The following PELI2 variants were observed in gnomAD, a reference collection of about 807,000 sequenced individuals.
PELI2 encodes E3 ubiquitin-protein ligase pellino homolog 2.
A neutral mutation model predicts 42.3 loss-of-function variants in PELI2; 23 were observed. That is an observed-to-expected ratio of 0.54 (90% CI 0.39 to 0.77). PELI2 has a LOEUF of 0.77. Ranked by LOEUF, PELI2 falls within the 30% of genes least tolerant of loss-of-function variation. The pLI is 0.00. For synonymous variants in PELI2, 245 were observed against 212.2 expected (o/e 1.15, Z -1.34); for missense variants, 463 against 553.2 (o/e 0.84, Z 1.64).
chr14:56,277,657 C>G (rs1298228018), intron 2 of PELI2, among the ~76,000 whole-genome samples: 2 of 152,084 alleles, frequency 1.3e-5, no homozygotes, highest in Non-Finnish European at 2.9e-5. Context: ...GACCACTACT[C>G]TAGAGCACCC....
At chr14:56,202,874 C>CTA (rs370903916) in intron 2 of PELI2, among the ~76,000 whole-genome samples, 101 of 152,074 alleles carry the variant, frequency 6.6e-4, no homozygotes, top group African/African-American at 2.3e-3. Flanking sequence ...TCAAAAATGT[C>CTA]TATAACGAAA....
chr14:56,184,827 G>A (rs900495696), intron 2 of PELI2, among the ~76,000 whole-genome samples: 2 of 151,952 alleles, frequency 1.3e-5, no homozygotes, highest in East Asian at 1.9e-4. Context: ...ATTTGGTTTC[G>A]TATATCAATC....
At chr14:56,165,379 CAGATA>C (rs1388978614) in intron 1 of PELI2, among the ~76,000 whole-genome samples, 17 of 152,202 alleles carry the variant, frequency 1.1e-4, no homozygotes, top group African/African-American at 2.9e-4. Flanking sequence ...CCATTGTGAT[CAGATA>C]AGATGTTTGA....
At chr14:56,138,320 A>G (rs1258383512) in intron 1 of PELI2, among the ~76,000 whole-genome samples, 1 of 152,258 alleles carries the variant, frequency 6.6e-6, no homozygotes, top group Non-Finnish European at 1.5e-5. Context: ...GCATTTCTAC[A>G]TAGATTTTGA....
Position 56,118,707 on chromosome 14 carries a change from C to G in PELI2, c.47C>G (p.Pro16Arg), listed in dbSNP as rs1882943384. The G allele has an allele frequency of 2.6e-6, 4 of 1,530,444 alleles. No individual in the cohort carries two copies. In the East Asian group the frequency reaches 1.1e-4, roughly 41 times the overall value. The allele number at this position is 1,530,444 out of a possible 1,614,324, so 94.8% of individuals were successfully genotyped here. A position where few individuals can be genotyped will look rare whatever the true frequency, so the allele number is the denominator to read the frequency against. The change falls in exon 1 of 6, where the codon CCA becomes CGA. Residue 16 changes from proline (P) to arginine (R), a missense_variant. Physicochemically the swap from Pro to Arg is moderately radical, Grantham distance 103 (BLOSUM62 -2). Coordinates refer to ENST00000267460, the MANE Select transcript of PELI2 (RefSeq NM_021255.3). ...GAACACTGCGCCCCCAATAAGGAGC[C>G]AGTGAAATACGGGGAGCTGGTGGTG... ...QEEHCAPNKE[P>R]VKYGELVVLG...
At chr14:56,168,845 TC>T (rs1468389218) in intron 1 of PELI2, among the ~76,000 whole-genome samples, 2 of 152,112 alleles carry the variant, frequency 1.3e-5, no homozygotes, top group African/African-American at 4.8e-5. Context: ...TACCTGGGTA[TC>T]ACTGCTGGTT....
chr14:56,257,214 T>A (rs773531731), intron 2 of PELI2, among the ~76,000 whole-genome samples: 1 of 152,154 alleles, frequency 6.6e-6, no homozygotes, highest in Non-Finnish European at 1.5e-5. Context: ...TAGGAAATGT[T>A]CTAGGTATTG....
Position 56,180,551 on chromosome 14 carries a change from G to C in PELI2, c.207+2087G>C, listed in dbSNP as rs1421760314. Among the ~76,000 whole-genome samples, 1 of 152,118 alleles carries C rather than the reference G, an allele frequency of 6.6e-6. No homozygotes were observed. The highest frequency in any genetic ancestry group is 2.1e-4 in the South Asian group (1 of 4,822). Reference sequence around the variant, plus strand: ...AGAGAGACTCTGATAGGTCTCCCCTGGGTCACCGAACTATGACCAAGGGAG... The same window carrying C: ...AGAGAGACTCTGATAGGTCTCCCCTCGGTCACCGAACTATGACCAAGGGAG... On this transcript the variant is annotated intron_variant, in intron 2 of 5. Coordinates refer to ENST00000267460, the MANE Select transcript of PELI2 (RefSeq NM_021255.3). This position sits in a 1 kb window ranked among gnomAD's most constrained non-coding sequence, Gnocchi z 4.4.
rs115256533 is a variant in PELI2 at position 56,204,096 on chromosome 14, G to A, written c.207+25632G>A. Among the ~76,000 whole-genome samples, 965 of 152,314 alleles carry A rather than the reference G, an allele frequency of 6.3e-3. 10 individuals carry two copies. The highest frequency in any genetic ancestry group is 0.022 in the African/African-American group (925 of 41,556). On this transcript the variant is annotated intron_variant, in intron 2 of 5. Transcript: ENST00000267460. ...CTGCCAGCCCAAATATCAGGCAGGC[G>A]TTAGAGGGCTTGTTCAACAGGGGCC...
rs541216919 is a variant in PELI2, at chr14:56,224,684, T to C, written c.207+46220T>C. On this transcript the variant is annotated intron_variant, in intron 2 of 5. Coordinates refer to ENST00000267460, the MANE Select transcript of PELI2 (RefSeq NM_021255.3). The stretch of plus-strand genomic sequence containing the variant: ...GCAAATCAGAATTTAATATATTTTT[T>C]GTGTAATAGTTTGATTTCTGTATAT... Among the ~76,000 whole-genome samples the C allele has an allele frequency of 2.6e-5, 4 of 152,358 alleles. 1 individual carries two copies. The South Asian group carries it at 8.3e-4, about 32-fold the overall frequency.
At chr14:56,177,177 T>C (rs951962137) in intron 1 of PELI2, among the ~76,000 whole-genome samples, 12 of 152,238 alleles carry the variant, frequency 7.9e-5, no homozygotes, top group African/African-American at 2.9e-4. Context: ...TTGAAACCAT[T>C]GTCAGACTGT....
At chr14:56,207,759 T>C (rs1886571886) in intron 2 of PELI2, among the ~76,000 whole-genome samples, 1 of 152,264 alleles carries the variant, frequency 6.6e-6, no homozygotes, top group East Asian at 1.9e-4. Context: ...CAGCCGAGGC[T>C]TTTCTTGTCT....
chr14:56,127,352 C>A (rs774750088), intron 1 of PELI2, among the ~76,000 whole-genome samples: 20 of 152,156 alleles, frequency 1.3e-4, no homozygotes, highest in Non-Finnish European at 2.6e-4. Flanking sequence ...TACAAGCATC[C>A]TGCAGGTACA....
At chr14:56,252,572 G>C (rs950295903) in intron 2 of PELI2, among the ~76,000 whole-genome samples, 6 of 152,294 alleles carry the variant, frequency 3.9e-5, no homozygotes, top group Admixed American at 2.6e-4. Context: ...CACATGGGTG[G>C]GTTAAGGAGC....
intron 2 of PELI2, among the ~76,000 whole-genome samples, chr14:56,200,708 T>A (rs1036628791): frequency 6.6e-6 from 1 of 152,268 alleles, no homozygotes; most frequent in African/African-American, 2.4e-5. Flanking sequence ...GATTCTTTTT[T>A]AAGTAACTGA....
intron 1 of PELI2, among the ~76,000 whole-genome samples, chr14:56,142,928 T>G (rs1412523764): frequency 6.6e-6 from 1 of 152,218 alleles, no homozygotes; most frequent in Non-Finnish European, 1.5e-5. Flanking sequence ...TCCTTCATGC[T>G]TCTTCTAATA....
chr14:56,178,021 C>G (rs952599368), intron 1 of PELI2, among the ~76,000 whole-genome samples: 1 of 152,104 alleles, frequency 6.6e-6, no homozygotes, highest in Non-Finnish European at 1.5e-5. Context: ...TTGAGCCAGC[C>G]CTAATACAGC....
intron 1 of PELI2, among the ~76,000 whole-genome samples, chr14:56,123,119 A>C (rs1883124939): frequency 6.6e-6 from 1 of 152,058 alleles, no homozygotes; most frequent in South Asian, 2.1e-4. Flanking sequence ...CCTTTGGATG[A>C]TTCAGTGTTT....
chr14:56,260,470 A>G (rs1192932796), intron 2 of PELI2, among the ~76,000 whole-genome samples: 1 of 152,152 alleles, frequency 6.6e-6, no homozygotes, highest in Non-Finnish European at 1.5e-5. Context: ...TGGGGGAGGC[A>G]GGCAGTTTCA....
Sources: allele counts gnomAD v4.1 joint callset (sites outside exome capture counted in the v4.1 genomes callset), GRCh38; gene constraint gnomAD v4.1.1; non-coding constraint Gnocchi (gnomAD v3.1); transcripts MANE v1.5; gene names NCBI Gene and HGNC (gene_info 2026-07-23, HGNC 2026-07-21).